Variants in SNTG1 observed in about 807,000 individuals in gnomAD.
The protein encoded by SNTG1 is syntrophin gamma 1, also known as gamma-1-syntrophin.
Under a neutral mutation model 74.7 loss-of-function variants are expected in SNTG1, and 39 were observed. The observed-to-expected ratio is 0.52, with a 90% CI of 0.40 to 0.68. The LOEUF (loss-of-function observed/expected upper bound fraction) is 0.68. Among genes scored for constraint, SNTG1 ranks in the 30% least tolerant of loss-of-function variants. The pLI, the probability that SNTG1 is intolerant of heterozygous loss-of-function variation, is 0.00. For synonymous variants in SNTG1, 254 were observed against 217.1 expected, an observed-to-expected ratio of 1.17 and a Z score of -1.49; for missense variants, 685 against 609.5, an observed-to-expected ratio of 1.12 and a Z score of -1.30.
At chr8:50,427,080 C>T (rs1222990080) in intron 4 of SNTG1, among the ~76,000 whole-genome samples, 2 of 151,958 alleles carry the variant, frequency 1.3e-5, no homozygotes, top group Non-Finnish European at 1.5e-5. Context: ...AGTCAATCCC[C>T]CACAGATACT....
intron 2 of SNTG1, among the ~76,000 whole-genome samples, chr8:50,261,386 T>A (rs2087186418): frequency 6.6e-6 from 1 of 152,194 alleles, no homozygotes; most frequent in South Asian, 2.1e-4. Flanking sequence ...AGTAGCCCTA[T>A]CTTACAATGA....
At chr8:50,474,722 A>G (rs2093682108) in intron 8 of SNTG1, among the ~76,000 whole-genome samples, 1 of 152,162 alleles carries the variant, frequency 6.6e-6, no homozygotes, top group Admixed American at 6.5e-5. Flanking sequence ...CAATCCCATT[A>G]CTGGGTATCT....
At chr8:50,056,885 TA>T (rs1391366165) in intron 1 of SNTG1, among the ~76,000 whole-genome samples, 1 of 152,138 alleles carries the variant, frequency 6.6e-6, no homozygotes. Context: ...TATTTCAAAA[TA>T]AACAAGCAAG....
intron 1 of SNTG1, among the ~76,000 whole-genome samples, chr8:50,147,227 T>C (rs1204602273): frequency 6.6e-6 from 1 of 151,984 alleles, no homozygotes; most frequent in Admixed American, 6.6e-5. Flanking sequence ...TTAAGAAAAA[T>C]CAACCAGGAC....
intron 1 of SNTG1, among the ~76,000 whole-genome samples, chr8:49,989,281 T>C (rs1236450601): frequency 5.3e-5 from 8 of 151,848 alleles, no homozygotes; most frequent in Admixed American, 4.6e-4. Context: ...ATAATGACCT[T>C]ACAAAATTAA....
chr8:50,249,131 G>A (rs1337747085), intron 2 of SNTG1, among the ~76,000 whole-genome samples: 1 of 152,066 alleles, frequency 6.6e-6, no homozygotes. Flanking sequence ...GACACTCATT[G>A]GTCTTCATCA....
At chr8:50,679,497 T>C (rs181551274) in intron 15 of SNTG1, among the ~76,000 whole-genome samples, 2 of 152,188 alleles carry the variant, frequency 1.3e-5, no homozygotes, top group African/African-American at 4.8e-5. Flanking sequence ...CTAGTCACTT[T>C]GTAAGCATTC....
At chr8:49,921,141 T>C (rs1806504722) in intron 1 of SNTG1, among the ~76,000 whole-genome samples, 2 of 152,020 alleles carry the variant, frequency 1.3e-5, no homozygotes, top group Non-Finnish European at 2.9e-5. Flanking sequence ...GCTATGAAAA[T>C]TTATTAGCTA....
At chr8:50,611,908 A>G (rs115536788) in intron 13 of SNTG1, among the ~76,000 whole-genome samples, 6,461 of 152,166 alleles carry the variant, frequency 0.042, 238 homozygotes, top group African/African-American at 0.093. Context: ...CTGGGACTAC[A>G]GGCATTTGCC....
intron 13 of SNTG1, among the ~76,000 whole-genome samples, chr8:50,625,481 G>T (rs1471007852): frequency 6.6e-6 from 1 of 152,084 alleles, no homozygotes; most frequent in Non-Finnish European, 1.5e-5. Context: ...AAAACACCCT[G>T]TAGAACACCA....
At chr8:50,497,989 T>A (rs1007101148) in intron 8 of SNTG1, among the ~76,000 whole-genome samples, 2 of 151,996 alleles carry the variant, frequency 1.3e-5, no homozygotes, top group Non-Finnish European at 2.9e-5. Context: ...TAAGGATATA[T>A]CTCAGTTTGT....
intron 12 of SNTG1, among the ~76,000 whole-genome samples, chr8:50,579,579 A>C (rs1053378649): frequency 6.6e-6 from 1 of 152,114 alleles, no homozygotes; most frequent in African/African-American, 2.4e-5. Context: ...TGCTATGTGC[A>C]TCCCTGGGGC....
chr8:50,771,006 T>TC (rs1319019137), intron 18 of SNTG1, among the ~76,000 whole-genome samples: 2 of 152,062 alleles, frequency 1.3e-5, no homozygotes, highest in African/African-American at 4.8e-5. Flanking sequence ...AAAAGATAAA[T>TC]TATCCAGTCT....
chr8:50,289,542 G>A (rs2088973299), intron 2 of SNTG1, among the ~76,000 whole-genome samples: 1 of 152,084 alleles, frequency 6.6e-6, no homozygotes, highest in South Asian at 2.1e-4. Flanking sequence ...CACCATTGAA[G>A]TTCTTGCATT....
intron 2 of SNTG1, among the ~76,000 whole-genome samples, chr8:50,332,889 G>A (rs1190096247): frequency 6.6e-6 from 1 of 152,108 alleles, no homozygotes; most frequent in East Asian, 1.9e-4. Flanking sequence ...TTCTTCTCAA[G>A]TACAATTACT....
chr8:50,141,377 T>C (rs1181208351), intron 1 of SNTG1, among the ~76,000 whole-genome samples: 2 of 152,196 alleles, frequency 1.3e-5, no homozygotes, highest in Non-Finnish European at 2.9e-5. Context: ...CTTTTGTTTT[T>C]AATTTCCAGA....
At chr8:50,545,007 A>G (rs888868397) in intron 11 of SNTG1, among the ~76,000 whole-genome samples, 3 of 152,018 alleles carry the variant, frequency 2.0e-5, no homozygotes, top group Non-Finnish European at 4.4e-5. Flanking sequence ...CCATTTATCC[A>G]CTGATGGACA....
Position 50,250,604 on chromosome 8 carries a change from C to T in SNTG1, c.-28+77969C>T, listed in dbSNP as rs951805965. On this transcript the variant is annotated intron_variant, in intron 2 of 18. Transcript: ENST00000642720. ...TACATATAGGGGAATTTCCATTAGA[C>T]TATCAGCATATCTCTCAGCAGAATC... 1.3e-5 allele frequency among the ~76,000 whole-genome samples: 2 copies of T among 152,052 alleles called. 1 individual carries two copies. Among genetic ancestry groups the T allele is most frequent in the Non-Finnish European group, 2.9e-5 (2 of 67,962 alleles).
intron 1 of SNTG1, among the ~76,000 whole-genome samples, chr8:50,062,953 A>T (rs1172602242): frequency 6.6e-6 from 1 of 152,240 alleles, no homozygotes; most frequent in African/African-American, 2.4e-5. Context: ...GACCACAGAC[A>T]TATTAAAGAG....
Sources: gnomAD v4.1 joint callset for allele counts (sites outside exome capture counted in the v4.1 genomes callset) on GRCh38, gnomAD v4.1.1 for gene constraint, MANE v1.5 for transcripts, NCBI Gene and HGNC (gene_info 2026-07-23, HGNC 2026-07-21) for gene names.